GM2A: variants seen among roughly 807,000 people sequenced by gnomAD.
GM2A encodes the protein GM2 ganglioside activator.
GM2A carries 7 observed loss-of-function variants against 12.9 expected under a neutral mutation model. The observed-to-expected ratio is 0.54, with a 90% CI of 0.31 to 1.02. GM2A has a LOEUF of 1.02. GM2A is among the 50% of genes least tolerant of loss of function. The pLI is 0.05. For synonymous variants in GM2A, 101 were observed against 96.0 expected (o/e 1.05, Z -0.30); for missense variants, 246 against 241.0 (o/e 1.02, Z -0.14).
At position 151,268,808 on chromosome 5, in the gene GM2A, A is replaced by G. The variant is rs1028246461; in HGVS notation, c.*1357A>G. 6.4e-6 allele frequency: 6 copies of G among 931,040 alleles called. No homozygotes were observed. Among genetic ancestry groups the G allele is most frequent in the Admixed American group, 6.2e-5 (1 of 16,212 alleles). 57.7% of individuals were successfully genotyped at this position (931,040 alleles called of 1,614,324 possible). On this transcript the variant is annotated 3_prime_UTR_variant, in exon 4 of 4. Coordinates refer to ENST00000357164, the MANE Select transcript of GM2A (RefSeq NM_000405.5). ...AAAGCTGTGCAGTGTGATGTGTCCC[A>G]AACGGACTGGCTCATGGGTGGCCAC...
At chr5:151,257,505 C>T (rs143204953) in intron 1 of GM2A, among the ~76,000 whole-genome samples, 1 of 152,270 alleles carries the variant, frequency 6.6e-6, no homozygotes, top group East Asian at 1.9e-4. Context: ...AGTCCTGCTC[C>T]TATGTTGCCC....
intron 1 of GM2A, among the ~76,000 whole-genome samples, chr5:151,257,553 G>A (rs1753714030): frequency 6.6e-6 from 1 of 151,956 alleles, no homozygotes; most frequent in South Asian, 2.1e-4. Context: ...TCTTTCCCTT[G>A]ACCACTTTCA....
intron 1 of GM2A, among the ~76,000 whole-genome samples, chr5:151,258,808 G>T (rs186990175): frequency 2.0e-4 from 30 of 152,330 alleles, no homozygotes; most frequent in Non-Finnish European, 3.5e-4. Context: ...TCAGCTTGGG[G>T]GTGTGGGACT....
At chr5:151,257,110 C>G (rs1417640377) in intron 1 of GM2A, among the ~76,000 whole-genome samples, 2 of 152,252 alleles carry the variant, frequency 1.3e-5, no homozygotes, top group African/African-American at 4.8e-5. Context: ...CTGTAGTACC[C>G]ATATCTCTGC....
At chr5:151,255,221 C>T (rs549008344) in intron 1 of GM2A, among the ~76,000 whole-genome samples, 6 of 152,252 alleles carry the variant, frequency 3.9e-5, no homozygotes, top group East Asian at 1.9e-4. Flanking sequence ...GGCCCAGCTA[C>T]GCCTGAACCT....
intron 2 of GM2A, among the ~76,000 whole-genome samples, chr5:151,265,467 G>A (rs1753866507): frequency 6.6e-6 from 1 of 152,218 alleles, no homozygotes; most frequent in African/African-American, 2.4e-5. Flanking sequence ...GAATGTCAGA[G>A]CTGAAAGGGA....
Position 151,267,884 on chromosome 5 carries a change from C to G in GM2A, c.*433C>G, listed in dbSNP as rs1753925710. 2.6e-6 allele frequency: 3 copies of G among 1,146,206 alleles called. No individual in the cohort carries two copies. Among genetic ancestry groups the G allele is most frequent in the Non-Finnish European group, 2.2e-6 (2 of 921,862 alleles). The allele number at this position is 1,146,206 out of a possible 1,614,324, so 71.0% of individuals were successfully genotyped here. On this transcript the variant is annotated 3_prime_UTR_variant, in exon 4 of 4. Coordinates refer to ENST00000357164, the MANE Select transcript of GM2A (RefSeq NM_000405.5). ...AACGTTTTTGTTCTCCTCCGGCCCC[C>G]TGTTACAATGAAGGGGCAAAAGTAT...
chr5:151,268,894 C>G lies in GM2A; in HGVS notation c.*1443C>G. On this transcript the variant is annotated 3_prime_UTR_variant, in exon 4 of 4. Transcript: ENST00000357164. ...TCCTCTTAAGACAACTCCTGTGGCACCGTTTCTCCCTCCACAGGGCCAAAG... is the reference window on the plus strand; with the variant it reads ...TCCTCTTAAGACAACTCCTGTGGCAGCGTTTCTCCCTCCACAGGGCCAAAG... 1.0e-6 allele frequency: 1 copy of G among 985,442 alleles called. No individual in the cohort carries two copies. Among genetic ancestry groups the G allele is most frequent in the South Asian group, 4.7e-5 (1 of 21,284 alleles). The allele number at this position is 985,442 out of a possible 1,614,324, so 61.0% of individuals were successfully genotyped here.
chr5:151,253,484 C>G (rs1753629293), intron 1 of GM2A, among the ~76,000 whole-genome samples, 187 bp downstream of exon 1: 1 of 152,316 alleles, frequency 6.6e-6, no homozygotes, highest in Admixed American at 6.5e-5. Flanking sequence ...AAGACTTGTT[C>G]TGCTCCAGGC....
intron 1 of GM2A, 92 bp downstream of exon 1, chr5:151,253,389 G>GT (rs1753626532): frequency 1.2e-6 from 1 of 861,420 alleles, no homozygotes; most frequent in Non-Finnish European, 1.9e-6. Context: ...TGGCCACTCC[G>GT]TTCTCTAGAA....
chr5:151,267,056 T>G, intron 3 of GM2A, 143 bp downstream of exon 3: 1 of 859,376 alleles, frequency 1.2e-6, no homozygotes, highest in Non-Finnish European at 1.9e-6. Context: ...TCACTTATCT[T>G]CCGGGAGCCT....
At position 151,267,718 on chromosome 5, in the gene GM2A, C is replaced by T; in HGVS notation, c.*267C>T. 7.3e-7 allele frequency: 1 copy of T among 1,376,066 alleles called. No individual in the cohort carries two copies. The highest frequency in any genetic ancestry group is 1.4e-5 in the African/African-American group (1 of 69,116). The allele number at this position is 1,376,066 out of a possible 1,614,324, so 85.2% of individuals were successfully genotyped here. On this transcript the variant is annotated 3_prime_UTR_variant, in exon 4 of 4. Transcript: ENST00000357164. ...CACGTTACTCATCCCCGTTAACATT[C>T]TCTCTAAAGAGCCTCGTTCATTTCC...
intron 1 of GM2A, 136 bp downstream of exon 1, chr5:151,253,433 T>C: frequency 1.4e-6 from 1 of 712,454 alleles, no homozygotes. Context: ...CCAAAGTAAC[T>C]AATTATGGGA....
In GM2A at chr5:151,266,889, T is replaced by G. The variant is rs750572499; in HGVS notation, c.402T>G (p.Leu134=). Reference sequence around the variant, plus strand: ...CAGAGCCCCTGCGTACCTATGGGCTTCCTTGCCACTGTCCCTTCAAAGAAG... The same window carrying G: ...CAGAGCCCCTGCGTACCTATGGGCTGCCTTGCCACTGTCCCTTCAAAGAAG... ...PCPEPLRTYG[L]PCHCPFKEGT... Residue 134 remains leucine (L), a synonymous_variant, in exon 3 of 4, where the codon CTT becomes CTG. Transcript: ENST00000357164. The G allele has an allele frequency of 3.7e-6, 6 of 1,613,600 alleles. No homozygotes were observed. The highest frequency in any genetic ancestry group is 5.1e-6 in the Non-Finnish European group (6 of 1,179,526).
intron 2 of GM2A, among the ~76,000 whole-genome samples, chr5:151,260,342 G>A (rs139559415): frequency 5.8e-4 from 89 of 152,354 alleles, no homozygotes; most frequent in African/African-American, 2.0e-3. Context: ...AATAGGCCAG[G>A]TGTGGTGGCT....
chr5:151,260,435 T>C (rs1258906319), intron 2 of GM2A, among the ~76,000 whole-genome samples: 1 of 152,066 alleles, frequency 6.6e-6, no homozygotes, highest in Non-Finnish European at 1.5e-5. Flanking sequence ...CTGGCCAACA[T>C]AGTGAAACCC....
Position 151,253,294 on chromosome 5 carries a change from A to T in GM2A, c.78A>T (p.Lys26Asn), listed in dbSNP as rs28365994. ...CGGCCCCTGCGCAAGCCCACCTGAA[A>T]AAGGTGAGTGCACCCTCTTTTAAGA... ...LLAAPAQAHLKKPSQLSSFSW... is the reference protein window; with the variant it reads ...LLAAPAQAHLNKPSQLSSFSW... The change falls in exon 1 of 4, where the codon AAA becomes AAT. Residue 26 changes from lysine to asparagine, a missense_variant. By Grantham distance (94) the Lys-to-Asn change is moderately conservative. Transcript: ENST00000357164. 1.5e-4 allele frequency: 245 copies of T among 1,609,520 alleles called. No homozygotes were observed. The East Asian group carries it at 5.1e-3, about 34-fold the overall frequency.
chr5:151,267,530 T>C lies in GM2A; in HGVS notation c.*79T>C. 2 of 1,598,586 alleles carry C rather than the reference T, an allele frequency of 1.3e-6. No homozygotes were observed. Among genetic ancestry groups the C allele is most frequent in the Non-Finnish European group, 1.7e-6 (2 of 1,173,262 alleles). ...TGTTTTGTGTTTGCCAAGGCCAAACTCCCACTCTCTGCCCCCCTTTAATCC... is the reference window on the plus strand; with the variant it reads ...TGTTTTGTGTTTGCCAAGGCCAAACCCCCACTCTCTGCCCCCCTTTAATCC... On this transcript the variant is annotated 3_prime_UTR_variant, in exon 4 of 4. Coordinates refer to ENST00000357164, the MANE Select transcript of GM2A (RefSeq NM_000405.5).
At chr5:151,256,275 T>TAA (rs199993780) in intron 1 of GM2A, among the ~76,000 whole-genome samples, 2 of 151,328 alleles carry the variant, frequency 1.3e-5, no homozygotes, top group African/African-American at 4.9e-5. Flanking sequence ...GCTTTTTTCC[T>TAA]AAAAAAAAAT....
Sources: gnomAD v4.1 joint callset for allele counts (sites outside exome capture counted in the v4.1 genomes callset) on GRCh38, gnomAD v4.1.1 for gene constraint, MANE v1.5 for transcripts, NCBI Gene and HGNC (gene_info 2026-07-23, HGNC 2026-07-21) for gene names.